The following ARHGAP32 variants were observed in gnomAD, a reference collection of about 807,000 sequenced individuals.
ARHGAP32 encodes the protein Rho GTPase activating protein 32.
In ARHGAP32, 51 loss-of-function variants were observed where a neutral mutation model predicts 186.5. That is an observed-to-expected ratio of 0.27 (90% confidence interval 0.22 to 0.35). The LOEUF is 0.35. ARHGAP32 is among the 10% of genes least tolerant of loss of function. The probability of loss-of-function intolerance (pLI) is 1.00; values close to 1 mark genes in which losing one functional copy is unlikely to be tolerated. For missense variants in ARHGAP32, 2,186 were observed against 2,623.5 expected (o/e 0.83, Z 3.64); for synonymous variants, 950 against 964.3 (o/e 0.99, Z 0.27).
At chr11:129,178,625 C>G in intron 1 of ARHGAP32, among the ~76,000 whole-genome samples, 1 of 151,952 alleles carries the variant, frequency 6.6e-6, no homozygotes, top group African/African-American at 2.4e-5. Context: ...ACAGAGCCCT[C>G]AGAAATAATG....
chr11:129,011,580 T>C (rs1401960035), intron 11 of ARHGAP32, among the ~76,000 whole-genome samples: 2 of 152,136 alleles, frequency 1.3e-5, no homozygotes, highest in East Asian at 3.8e-4. Context: ...ATGTAAAGGC[T>C]GGGAGCATAG....
Position 128,974,350 on chromosome 11 carries a change from T to C in ARHGAP32, c.2847A>G (p.Ser949=). Reference sequence around the variant, plus strand: ...CAACGCATTTGTCCCAGGTTGAAGATGATGCATTCTGAGCTGTGGTATTTG... The same window carrying C: ...CAACGCATTTGTCCCAGGTTGAAGACGATGCATTCTGAGCTGTGGTATTTG... ...TVSNTTAQNA[S]SSTWDKCVEE... The change falls in exon 21 of 23, where the codon TCA becomes TCG. Residue 949 remains serine (S), a synonymous_variant. Transcript: ENST00000682385. 1 of 1,614,260 alleles carries C rather than the reference T, an allele frequency of 6.2e-7. No homozygotes were observed. Among genetic ancestry groups the C allele is most frequent in the Non-Finnish European group, 8.5e-7 (1 of 1,180,048 alleles).
At chr11:129,241,111 T>C (rs370781871) in intron 1 of ARHGAP32, among the ~76,000 whole-genome samples, 1 of 152,194 alleles carries the variant, frequency 6.6e-6, no homozygotes, top group South Asian at 2.1e-4. Flanking sequence ...TTGGTACCTA[T>C]GAGATGTAAG....
At chr11:129,177,786 C>T (rs1565457836) in intron 1 of ARHGAP32, among the ~76,000 whole-genome samples, 1 of 152,108 alleles carries the variant, frequency 6.6e-6, no homozygotes, top group Non-Finnish European at 1.5e-5. Context: ...TGGGACATAT[C>T]TCAAAATAAT....
At chr11:129,126,685 A>T (rs1246297372) in intron 2 of ARHGAP32, among the ~76,000 whole-genome samples, 2 of 152,212 alleles carry the variant, frequency 1.3e-5, no homozygotes, top group Non-Finnish European at 2.9e-5. Flanking sequence ...GACTAATTAT[A>T]ATATCCTAGA....
At chr11:129,003,376 T>A (rs1477912161) in intron 11 of ARHGAP32, among the ~76,000 whole-genome samples, 11 of 152,230 alleles carry the variant, frequency 7.2e-5, no homozygotes, top group Non-Finnish European at 1.5e-5. Context: ...TGTTTTGGTA[T>A]CAGTGTAATA....
chr11:129,219,495 G>C (rs958322845), intron 1 of ARHGAP32, among the ~76,000 whole-genome samples: 3 of 152,078 alleles, frequency 2.0e-5, no homozygotes, highest in African/African-American at 7.2e-5. Context: ...CTGTTTCTGA[G>C]ATCTGTCATG....
chr11:128,988,922 T>C (rs548884838), intron 12 of ARHGAP32, among the ~76,000 whole-genome samples: 15 of 152,334 alleles, frequency 9.8e-5, no homozygotes, highest in African/African-American at 3.4e-4. Context: ...AATAGTTGTT[T>C]TGCAATGCAG....
At chr11:129,191,757 A>G (rs1295771107) in intron 1 of ARHGAP32, among the ~76,000 whole-genome samples, 4 of 152,114 alleles carry the variant, frequency 2.6e-5, no homozygotes, top group Non-Finnish European at 5.9e-5. Context: ...GATCAAATCT[A>G]TTTGATACAA....
At chr11:129,187,952 T>G (rs910725949) in intron 1 of ARHGAP32, among the ~76,000 whole-genome samples, 2 of 152,130 alleles carry the variant, frequency 1.3e-5, no homozygotes, top group Admixed American at 1.3e-4. Flanking sequence ...GTTTTTTTGT[T>G]TGTTGAGGTT....
chr11:129,135,931 G>GA (rs1365161034), intron 2 of ARHGAP32, among the ~76,000 whole-genome samples: 2 of 152,106 alleles, frequency 1.3e-5, no homozygotes, highest in Non-Finnish European at 2.9e-5. Context: ...GACACACACG[G>GA]AAAAAACAAT....
intron 11 of ARHGAP32, among the ~76,000 whole-genome samples, chr11:129,032,889 C>T (rs886223813): frequency 3.9e-5 from 6 of 152,166 alleles, no homozygotes; most frequent in Non-Finnish European, 8.8e-5. Flanking sequence ...CAGAACATTA[C>T]CAGTACTCCA....
intron 1 of ARHGAP32, among the ~76,000 whole-genome samples, chr11:129,263,614 CGGGGAGAG>C (rs1404654006): frequency 1.2e-4 from 5 of 41,138 alleles, no homozygotes; most frequent in African/African-American, 2.9e-4. Context: ...AAATGGGGAG[CGGGGAGAG>C]GGGGAGGGGA....
At chr11:129,128,995 T>C (rs866685060) in intron 2 of ARHGAP32, among the ~76,000 whole-genome samples, 15 of 151,802 alleles carry the variant, frequency 9.9e-5, no homozygotes, top group South Asian at 2.1e-4. Context: ...AGCCTCTGCC[T>C]GGCCGCCACC....
At chr11:129,234,096 T>C (rs750030742) in intron 1 of ARHGAP32, among the ~76,000 whole-genome samples, 18 of 152,142 alleles carry the variant, frequency 1.2e-4, no homozygotes, top group Non-Finnish European at 2.4e-4. Flanking sequence ...TGTTTGTTTT[T>C]AAATATCTCA....
At chr11:129,155,820 C>G (rs371169724) in intron 2 of ARHGAP32, among the ~76,000 whole-genome samples, 3 of 152,208 alleles carry the variant, frequency 2.0e-5, no homozygotes, top group South Asian at 2.1e-4. Context: ...GTTTGCAGCT[C>G]CCAGCGAGAT....
At chr11:129,002,965 C>A (rs976073183) in intron 11 of ARHGAP32, among the ~76,000 whole-genome samples, 1 of 150,820 alleles carries the variant, frequency 6.6e-6, no homozygotes, top group Non-Finnish European at 1.5e-5. Flanking sequence ...CCCGCCACTA[C>A]GCCCGGCTAA....
intron 5 of ARHGAP32, among the ~76,000 whole-genome samples, chr11:129,111,776 T>G (rs1295247714): frequency 6.6e-6 from 1 of 152,126 alleles, no homozygotes; most frequent in East Asian, 1.9e-4. Context: ...CTTTCTTTTT[T>G]TGAGACAGAG....
chr11:129,201,074 TTCA>T (rs1221070866), intron 1 of ARHGAP32, among the ~76,000 whole-genome samples: 1 of 152,158 alleles, frequency 6.6e-6, no homozygotes, highest in Non-Finnish European at 1.5e-5. Flanking sequence ...ATATTCTTCC[TTCA>T]TCACATTAAT....
Sources: gnomAD v4.1 joint callset for allele counts (sites outside exome capture counted in the v4.1 genomes callset) on GRCh38, gnomAD v4.1.1 for gene constraint, MANE v1.5 for transcripts, NCBI Gene and HGNC (gene_info 2026-07-23, HGNC 2026-07-21) for gene names.